SWAP70: variants seen among roughly 807,000 people sequenced by gnomAD.
SWAP70 encodes switching B cell complex subunit SWAP70.
In SWAP70, 34 loss-of-function variants were observed where a neutral mutation model predicts 80.2. The ratio of observed to expected loss-of-function variants is 0.42; its 90% CI spans 0.32 to 0.56. The LOEUF is 0.56. Among genes scored for constraint, SWAP70 ranks in the 20% least tolerant of loss-of-function variants. The pLI is 0.09. For synonymous variants in SWAP70, 239 were observed against 238.5 expected (o/e 1.00, Z -0.02); for missense variants, 578 against 690.7 (o/e 0.84, Z 1.83).
chr11:9,732,026 TATCTC>T (rs1238295361), intron 6 of SWAP70, among the ~76,000 whole-genome samples: 3 of 152,360 alleles, frequency 2.0e-5, no homozygotes, highest in African/African-American at 7.2e-5. Context: ...TGTTACCTGT[TATCTC>T]AGGAAGGGGT....
At chr11:9,678,588 A>G (rs1158344975) in intron 1 of SWAP70, among the ~76,000 whole-genome samples, 1 of 121,012 alleles carries the variant, frequency 8.3e-6, no homozygotes, top group Admixed American at 1.0e-4. Context: ...CCATCTTAAT[A>G]GTACATTTCT....
At chr11:9,689,931 G>A (rs568536222) in intron 1 of SWAP70, among the ~76,000 whole-genome samples, 2 of 152,166 alleles carry the variant, frequency 1.3e-5, no homozygotes, top group Non-Finnish European at 2.9e-5. Context: ...AACAACTCAC[G>A]GGCGTGTCCA....
At position 9,670,480 on chromosome 11, in the gene SWAP70, G is replaced by C. The variant is rs191861724; in HGVS notation, c.99+6202G>C. On this transcript the variant is annotated intron_variant, in intron 1 of 11. Transcript: ENST00000318950. ...TATTTATTTTTTTGAGGTCCTTGATGGGTGTATGTTCAGCTGGAGATGATA... is the reference window on the plus strand; with the variant it reads ...TATTTATTTTTTTGAGGTCCTTGATCGGTGTATGTTCAGCTGGAGATGATA... 7.2e-5 allele frequency among the ~76,000 whole-genome samples: 11 copies of C among 152,156 alleles called. No individual in the cohort carries two copies. In the East Asian group the frequency reaches 1.5e-3, roughly 21 times the overall value.
At chr11:9,732,809 G>A (rs1851317568) in intron 7 of SWAP70, 99 bp downstream of exon 7, 3 of 1,149,202 alleles carry the variant, frequency 2.6e-6, no homozygotes, top group Admixed American at 5.8e-5. Context: ...TGAATGTAGT[G>A]CAGTTTTAGG....
intron 1 of SWAP70, among the ~76,000 whole-genome samples, chr11:9,692,694 T>C (rs2134446299): frequency 6.6e-6 from 1 of 152,310 alleles, no homozygotes; most frequent in Admixed American, 6.5e-5. Context: ...AAGCTCTTTA[T>C]ATTCTTGAAA....
intron 3 of SWAP70, among the ~76,000 whole-genome samples, chr11:9,719,770 A>T (rs2133801456): frequency 6.6e-6 from 1 of 152,316 alleles, no homozygotes; most frequent in African/African-American, 2.4e-5. Context: ...TTTGTTTCTC[A>T]CAGAACCAGG....
At chr11:9,691,903 T>G (rs1434376931) in intron 1 of SWAP70, among the ~76,000 whole-genome samples, 1 of 152,144 alleles carries the variant, frequency 6.6e-6, no homozygotes, top group Non-Finnish European at 1.5e-5. Context: ...ATCAGCTACT[T>G]TTATCATGTT....
At chr11:9,710,009 A>G (rs1850974759) in intron 2 of SWAP70, among the ~76,000 whole-genome samples, 2 of 152,180 alleles carry the variant, frequency 1.3e-5, no homozygotes, top group Admixed American at 6.5e-5. Flanking sequence ...GTGGAAGTGG[A>G]TCATTGTAAA....
chr11:9,711,545 C>T (rs1315806022), intron 2 of SWAP70, among the ~76,000 whole-genome samples: 1 of 152,198 alleles, frequency 6.6e-6, no homozygotes, highest in Non-Finnish European at 1.5e-5. Context: ...TGTTCCTTGG[C>T]AGCTAGAGCA....
chr11:9,711,038 ATATT>A lies in SWAP70; in HGVS notation c.241-2420_241-2417del, dbSNP rs566112708. Among the ~76,000 whole-genome samples the A allele has an allele frequency of 3.5e-3, 515 of 148,710 alleles. 1 individual carries two copies. The highest frequency in any genetic ancestry group is 5.3e-3 in the Non-Finnish European group (353 of 66,776). On this transcript the variant is annotated intron_variant, in intron 2 of 11. Transcript: ENST00000318950. ...TTTATTTATTTTTGTATTGTTATAC[ATATT>A]TATTTATGTATTTTTTATTTTTATT... is the stretch of plus-strand genomic sequence containing the variant.
At chr11:9,732,438 C>T (rs1564832000) in intron 6 of SWAP70, 91 bp from the exon 7 acceptor site, 1 of 1,306,328 alleles carries the variant, frequency 7.7e-7, no homozygotes, top group South Asian at 1.3e-5. Flanking sequence ...CTCCCTGTCT[C>T]ATTTTCTTCC....
chr11:9,742,255 A>G (rs1851450171), intron 9 of SWAP70, among the ~76,000 whole-genome samples: 1 of 152,160 alleles, frequency 6.6e-6, no homozygotes, highest in South Asian at 2.1e-4. Context: ...TGCAAAGGGC[A>G]TTTTATGAAT....
chr11:9,702,938 A>G (rs928541751), intron 2 of SWAP70, among the ~76,000 whole-genome samples: 1 of 152,216 alleles, frequency 6.6e-6, no homozygotes, highest in African/African-American at 2.4e-5. Context: ...TTATTGAGAT[A>G]TAAATTACAT....
intron 7 of SWAP70, among the ~76,000 whole-genome samples, chr11:9,735,558 G>A (rs1202655927): frequency 6.6e-6 from 1 of 152,234 alleles, no homozygotes; most frequent in Non-Finnish European, 1.5e-5. Context: ...GTCAAAGTGT[G>A]TAATTATGAA....
intron 4 of SWAP70, 73 bp from the exon 5 acceptor site, chr11:9,727,980 G>A: frequency 7.3e-7 from 1 of 1,360,970 alleles, no homozygotes; most frequent in Non-Finnish European, 9.8e-7. Context: ...GAGTAGGCAA[G>A]TATATCAAGG....
intron 4 of SWAP70, 99 bp from the exon 5 acceptor site, chr11:9,727,954 C>G: frequency 8.6e-7 from 1 of 1,159,988 alleles, no homozygotes; most frequent in Non-Finnish European, 1.2e-6. Flanking sequence ...TTTTCAGGAT[C>G]ATATATCAAA....
chr11:9,666,096 T>G (rs368798103), intron 1 of SWAP70, among the ~76,000 whole-genome samples: 1 of 151,502 alleles, frequency 6.6e-6, no homozygotes, highest in Non-Finnish European at 1.5e-5. Context: ...TTTGTTTTTT[T>G]TTTTTCTGAG....
intron 3 of SWAP70, among the ~76,000 whole-genome samples, chr11:9,722,993 A>G (rs1469933705): frequency 1.3e-5 from 2 of 152,194 alleles, no homozygotes; most frequent in African/African-American, 4.8e-5. Flanking sequence ...TGGAGTGTAA[A>G]GTCTGAGGTG....
intron 4 of SWAP70, among the ~76,000 whole-genome samples, chr11:9,725,544 T>A (rs1489338736): frequency 3.4e-4 from 3 of 8,832 alleles, no homozygotes; most frequent in African/African-American, 6.9e-4. Flanking sequence ...TATATATATA[T>A]ATATATATAT....
Sources: allele counts gnomAD v4.1 joint callset (sites outside exome capture counted in the v4.1 genomes callset), GRCh38; gene constraint gnomAD v4.1.1; transcripts MANE v1.5; gene names NCBI Gene and HGNC (gene_info 2026-07-23, HGNC 2026-07-21).